CNBP: variants seen among roughly 807,000 people sequenced by gnomAD.
CNBP encodes CCHC-type zinc finger nucleic acid binding protein.
In CNBP, 6 loss-of-function variants were observed where a neutral mutation model predicts 21.2. That is an observed-to-expected ratio of 0.28 (90% CI 0.16 to 0.56). CNBP has a LOEUF of 0.56. Among genes scored for constraint, CNBP ranks in the 20% least tolerant of loss-of-function variants. The pLI is 0.93. For missense variants in CNBP, 112 were observed against 233.1 expected (o/e 0.48, Z 3.38); for synonymous variants, 61 against 74.9 (o/e 0.81, Z 0.96).
chr3:129,179,911 CA>C (rs561601276), intron 1 of CNBP, among the ~76,000 whole-genome samples: 139 of 152,142 alleles, frequency 9.1e-4, no homozygotes, highest in Admixed American at 2.2e-3. Context: ...GAGGCTGAGG[CA>C]GGAGAATGGC....
intron 1 of CNBP, among the ~76,000 whole-genome samples, chr3:129,174,655 A>G (rs1937775336): frequency 2.9e-5 from 1 of 35,084 alleles, no homozygotes; most frequent in South Asian, 1.5e-3. Flanking sequence ...GTGAAACTCC[A>G]TCTCAAAAAA....
At chr3:129,176,189 T>C (rs1422560491) in intron 1 of CNBP, among the ~76,000 whole-genome samples, 1 of 152,204 alleles carries the variant, frequency 6.6e-6, no homozygotes, top group Non-Finnish European at 1.5e-5. Flanking sequence ...TCCATGAGTC[T>C]GTCTCATTGC....
chr3:129,171,341 A>C, intron 3 of CNBP, 64 bp from the exon 4 acceptor site: 1 of 1,604,226 alleles, frequency 6.2e-7, no homozygotes, highest in Non-Finnish European at 8.5e-7. Flanking sequence ...TTACGTTTTA[A>C]ATTATACAAT....
At position 129,173,121 on chromosome 3, in the gene CNBP, T is replaced by C. The variant is rs182368842; in HGVS notation, c.-14-1350A>G. On this transcript the variant is annotated intron_variant, in intron 1 of 4. Coordinates refer to ENST00000422453, the MANE Select transcript of CNBP (RefSeq NM_003418.5). ...TCAACCAACCTTGGAATAAAAATATTCAGTGGAAAAGTTGCATCTGTATTG... is the reference window on the plus strand; with the variant it reads ...TCAACCAACCTTGGAATAAAAATATCCAGTGGAAAAGTTGCATCTGTATTG... 2.5e-3 allele frequency among the ~76,000 whole-genome samples: 380 copies of C among 152,338 alleles called. 1 individual carries two copies. The highest frequency in any genetic ancestry group is 4.6e-3 in the Non-Finnish European group (311 of 68,028).
chr3:129,181,537 G>A (rs1042450196), intron 1 of CNBP, among the ~76,000 whole-genome samples: 1 of 150,844 alleles, frequency 6.6e-6, no homozygotes, highest in African/African-American at 2.4e-5. Flanking sequence ...TGTAATCCCA[G>A]CTACTTCGGA....
rs755262457 is a variant in CNBP at position 129,171,318 on chromosome 3, C to T, written c.218-41G>A. ...AAAGAAACAGGCCAAGACTATAAAA[C>T]CTTTACAAAGTGTTACGTTTTAAAT... is the stretch of plus-strand genomic sequence containing the variant. On this transcript the variant is annotated intron_variant, in intron 3 of 4. Transcript: ENST00000422453. The T allele has an allele frequency of 7.4e-6, 12 of 1,611,284 alleles. No homozygotes were observed. In the East Asian group the frequency reaches 2.2e-4, roughly 30 times the overall value.
At chr3:129,172,458 T>C (rs967981053) in intron 1 of CNBP, among the ~76,000 whole-genome samples, 5 of 152,138 alleles carry the variant, frequency 3.3e-5, no homozygotes, top group African/African-American at 9.7e-5. Context: ...GGCATGCGCC[T>C]GTAATCCCAG....
At chr3:129,180,063 C>T (rs1028905459) in intron 1 of CNBP, among the ~76,000 whole-genome samples, 2 of 151,176 alleles carry the variant, frequency 1.3e-5, no homozygotes, top group East Asian at 1.9e-4. Context: ...AAAATGCTAT[C>T]GTAATATATG....
chr3:129,175,425 T>A (rs1356124132), intron 1 of CNBP, among the ~76,000 whole-genome samples: 1 of 115,928 alleles, frequency 8.6e-6, no homozygotes, highest in African/African-American at 3.1e-5. Context: ...AAGTTTTAGA[T>A]GTTTTGCTTT....
intron 1 of CNBP, among the ~76,000 whole-genome samples, 165 bp downstream of exon 1, chr3:129,183,611 G>C (rs531430691): frequency 1.1e-4 from 17 of 152,356 alleles, no homozygotes; most frequent in Admixed American, 9.1e-4. Flanking sequence ...CAGAAACCCG[G>C]GTCCGAGGCG....
intron 1 of CNBP, among the ~76,000 whole-genome samples, chr3:129,177,578 G>A (rs1437823394): frequency 6.6e-6 from 1 of 152,190 alleles, no homozygotes; most frequent in Non-Finnish European, 1.5e-5. Context: ...CTTACAGAGA[G>A]TAGACAGAAC....
chr3:129,168,010 C>T lies in CNBP; in HGVS notation c.*2443G>A, dbSNP rs1048575686. On this transcript the variant is annotated 3_prime_UTR_variant, in exon 5 of 5. Transcript: ENST00000422453. ...TGGAATGTGCACAGCACAGCTGAGA[C>T]ACCACCATTTTAACACTGAATCACT... Among the ~76,000 whole-genome samples, 1 of 152,060 alleles carries T rather than the reference C, an allele frequency of 6.6e-6. No individual in the cohort carries two copies. The highest frequency in any genetic ancestry group is 2.4e-5 in the African/African-American group (1 of 41,320).
chr3:129,180,757 C>T (rs368969306), intron 1 of CNBP, among the ~76,000 whole-genome samples: 5 of 148,960 alleles, frequency 3.4e-5, no homozygotes, highest in African/African-American at 1.0e-4. Flanking sequence ...GAAAAAGGAA[C>T]CAATCTTTTT....
intron 1 of CNBP, among the ~76,000 whole-genome samples, chr3:129,182,470 T>C (rs1021403346): frequency 1.3e-5 from 2 of 151,934 alleles, no homozygotes; most frequent in Admixed American, 1.3e-4. Context: ...ATGGTTAACA[T>C]GTGGGAACAA....
intron 1 of CNBP, among the ~76,000 whole-genome samples, chr3:129,175,934 C>T (rs1937875078): frequency 6.6e-6 from 1 of 152,158 alleles, no homozygotes; most frequent in African/African-American, 2.4e-5. Flanking sequence ...AACCCTATCG[C>T]AGTGAATCAG....
intron 1 of CNBP, among the ~76,000 whole-genome samples, chr3:129,183,207 C>G (rs1270994733): frequency 1.3e-5 from 2 of 152,318 alleles, no homozygotes; most frequent in Admixed American, 1.3e-4. Context: ...CTGGGACTCT[C>G]AAAGTGCTGG....
At chr3:129,171,580 T>C in intron 2 of CNBP, 42 bp from the exon 3 acceptor site, 2 of 1,614,112 alleles carry the variant, frequency 1.2e-6, no homozygotes, top group African/African-American at 1.3e-5. Context: ...GTCAGACCAG[T>C]CTTGATACTA....
In CNBP at chr3:129,169,392, A is replaced by T. The variant is rs971345455; in HGVS notation, c.*1061T>A. 4 of 193,818 alleles carry T rather than the reference A, an allele frequency of 2.1e-5. No individual in the cohort carries two copies. Among genetic ancestry groups the T allele is most frequent in the African/African-American group, 7.0e-5 (3 of 43,120 alleles). 12.0% of individuals were successfully genotyped at this position (193,818 alleles called of 1,614,324 possible). On this transcript the variant is annotated 3_prime_UTR_variant, in exon 5 of 5. Transcript: ENST00000422453. ...CAAAGTGAATTTTCTATAGCTTTGC[A>T]AAAGTATCTAAATCCCATACATCCT... is the stretch of plus-strand genomic sequence containing the variant.
At chr3:129,175,611 G>A (rs1937851186) in intron 1 of CNBP, among the ~76,000 whole-genome samples, 1 of 151,922 alleles carries the variant, frequency 6.6e-6, no homozygotes, top group Non-Finnish European at 1.5e-5. Flanking sequence ...TTGTATTTTA[G>A]TAGAGACGGG....
Sources: gnomAD v4.1 joint callset for allele counts (sites outside exome capture counted in the v4.1 genomes callset) on GRCh38, gnomAD v4.1.1 for gene constraint, MANE v1.5 for transcripts, NCBI Gene and HGNC (gene_info 2026-07-23, HGNC 2026-07-21) for gene names.